IQCM: variants seen among roughly 807,000 people sequenced by gnomAD.
The protein encoded by IQCM is IQ domain-containing protein M.
IQCM carries 45 observed loss-of-function variants against 57.6 expected under a neutral mutation model. That is an observed-to-expected ratio of 0.78 (90% CI 0.62 to 1.00). The LOEUF is 1.00. Ranked by LOEUF, IQCM falls within the 50% of genes least tolerant of loss-of-function variation. The pLI is 0.00. For synonymous variants in IQCM, 148 were observed against 158.9 expected (o/e 0.93, Z 0.51); for missense variants, 468 against 511.6 (o/e 0.91, Z 0.82).
At chr4:149,740,501 C>T (rs535993263) in intron 3 of IQCM, among the ~76,000 whole-genome samples, 2 of 152,236 alleles carry the variant, frequency 1.3e-5, no homozygotes, top group Admixed American at 1.3e-4. Flanking sequence ...CCCCCTACCG[C>T]TAGCGCACTA....
chr4:149,619,934 A>C (rs917782303), intron 8 of IQCM, among the ~76,000 whole-genome samples: 1 of 152,178 alleles, frequency 6.6e-6, no homozygotes, highest in Non-Finnish European at 1.5e-5. Context: ...AGGTGGGCAG[A>C]TCACCTAAGG....
At chr4:149,547,914 T>C (rs1438090173) in intron 12 of IQCM, among the ~76,000 whole-genome samples, 1 of 152,188 alleles carries the variant, frequency 6.6e-6, no homozygotes, top group Non-Finnish European at 1.5e-5. Context: ...ATCCCCTTAT[T>C]AGTCTTTAGA....
intron 5 of IQCM, among the ~76,000 whole-genome samples, chr4:149,695,510 G>T (rs1343144332): frequency 6.6e-6 from 1 of 152,180 alleles, no homozygotes; most frequent in African/African-American, 2.4e-5. Flanking sequence ...TAATGTTATT[G>T]AGGTAATAAA....
chr4:149,570,171 T>G (rs1751023201), intron 9 of IQCM, among the ~76,000 whole-genome samples: 1 of 152,048 alleles, frequency 6.6e-6, no homozygotes, highest in South Asian at 2.1e-4. Context: ...TAAATATATA[T>G]AAAATGCCTT....
intron 2 of IQCM, among the ~76,000 whole-genome samples, chr4:149,807,927 G>C (rs1372424744): frequency 6.6e-6 from 1 of 152,042 alleles, no homozygotes; most frequent in African/African-American, 2.4e-5. Flanking sequence ...ACAAACGCTG[G>C]TGATGACGTG....
chr4:149,440,490 T>C (rs1560840462), intron 12 of IQCM, among the ~76,000 whole-genome samples: 1 of 152,156 alleles, frequency 6.6e-6, no homozygotes, highest in Non-Finnish European at 1.5e-5. Flanking sequence ...TATTTTCCCA[T>C]ACTATTTAAA....
intron 2 of IQCM, among the ~76,000 whole-genome samples, chr4:149,780,622 A>G (rs1771520827): frequency 1.3e-5 from 2 of 152,036 alleles, no homozygotes; most frequent in Non-Finnish European, 2.9e-5. Flanking sequence ...GTAAACAAGA[A>G]AGGCTTATTG....
chr4:149,454,309 C>A (rs1219827444), intron 12 of IQCM, among the ~76,000 whole-genome samples: 1 of 151,520 alleles, frequency 6.6e-6, no homozygotes, highest in Non-Finnish European at 1.5e-5. Flanking sequence ...GAGATCATGT[C>A]CTTTGCAGCA....
At chr4:149,512,513 T>G (rs537993597) in intron 12 of IQCM, among the ~76,000 whole-genome samples, 39 of 152,320 alleles carry the variant, frequency 2.6e-4, no homozygotes, top group Admixed American at 2.4e-3. Context: ...TTTTGACATT[T>G]TATATTAGGT....
intron 2 of IQCM, among the ~76,000 whole-genome samples, chr4:149,770,616 A>G (rs1369958580): frequency 6.6e-6 from 1 of 152,094 alleles, no homozygotes; most frequent in Non-Finnish European, 1.5e-5. Flanking sequence ...AAATTGTCTT[A>G]ACAATAAAAT....
At position 149,742,650 on chromosome 4, in the gene IQCM, C is replaced by T. The variant is rs1381142126; in HGVS notation, c.37+5G>A. The T allele has an allele frequency of 1.6e-6, 2 of 1,229,722 alleles. No individual in the cohort carries two copies. Among genetic ancestry groups the T allele is most frequent in the Non-Finnish European group, 2.0e-6 (2 of 986,026 alleles). The allele number at this position is 1,229,722 out of a possible 1,614,324, so 76.2% of individuals were successfully genotyped here. ...GTACTATGTTAGGTAAGCACAGATA[C>T]TCACATTTTGCTTTTTCAGGCATAG... On this transcript the variant is annotated splice_donor_5th_base_variant and intron_variant, in intron 3 of 13. Transcript: ENST00000636793.
At chr4:149,807,098 C>G (rs1048309274) in intron 2 of IQCM, among the ~76,000 whole-genome samples, 6 of 151,850 alleles carry the variant, frequency 4.0e-5, no homozygotes, top group African/African-American at 9.7e-5. Context: ...AAACAATCTA[C>G]ATATCCAACA....
intron 5 of IQCM, among the ~76,000 whole-genome samples, chr4:149,716,536 C>T (rs977324563): frequency 1.3e-5 from 2 of 152,156 alleles, no homozygotes; most frequent in Admixed American, 1.3e-4. Flanking sequence ...TCCTCCAACG[C>T]GGAAGAGGGC....
chr4:149,758,791 A>G (rs1297194736), intron 2 of IQCM, among the ~76,000 whole-genome samples: 1 of 152,216 alleles, frequency 6.6e-6, no homozygotes, highest in Non-Finnish European at 1.5e-5. Context: ...AAAATCTAGA[A>G]CACTGACCAC....
At chr4:149,811,826 T>C (rs931983042) in intron 2 of IQCM, among the ~76,000 whole-genome samples, 1 of 152,184 alleles carries the variant, frequency 6.6e-6, no homozygotes, top group African/African-American at 2.4e-5. Context: ...CTGTGAATAA[T>C]TGATTAACAG....
At chr4:149,632,326 C>T (rs748634024) in intron 7 of IQCM, among the ~76,000 whole-genome samples, 1 of 152,194 alleles carries the variant, frequency 6.6e-6, no homozygotes, top group Non-Finnish European at 1.5e-5. Context: ...ACAAAAACTA[C>T]CTACAAAACG....
At chr4:149,643,862 G>C (rs1304162828) in intron 7 of IQCM, among the ~76,000 whole-genome samples, 1 of 152,132 alleles carries the variant, frequency 6.6e-6, no homozygotes, top group South Asian at 2.1e-4. Flanking sequence ...TTAATTCCTG[G>C]GTTTACAGAC....
chr4:149,500,214 T>C (rs1318555273), intron 12 of IQCM, among the ~76,000 whole-genome samples: 1 of 152,176 alleles, frequency 6.6e-6, no homozygotes, highest in Non-Finnish European at 1.5e-5. Flanking sequence ...AACTTATCAA[T>C]AGTGGGAGAG....
chr4:149,577,016 T>C (rs573377128), intron 9 of IQCM, among the ~76,000 whole-genome samples: 2 of 152,158 alleles, frequency 1.3e-5, no homozygotes, highest in East Asian at 3.9e-4. Context: ...TATATGCTCA[T>C]TGGCCACATA....
Sources: gnomAD v4.1 joint callset for allele counts (sites outside exome capture counted in the v4.1 genomes callset) on GRCh38, gnomAD v4.1.1 for gene constraint, MANE v1.5 for transcripts, NCBI Gene and HGNC (gene_info 2026-07-23, HGNC 2026-07-21) for gene names.